Variants in CNBD2 observed in about 807,000 individuals in gnomAD.
CNBD2 encodes the protein cyclic nucleotide binding domain containing 2, also known as cyclic nucleotide-binding domain-containing protein 2.
Under a neutral mutation model 63.7 loss-of-function variants are expected in CNBD2, and 64 were observed. That is an observed-to-expected ratio of 1.00 (90% confidence interval 0.82 to 1.24). The LOEUF (loss-of-function observed/expected upper bound fraction) is 1.24. Among genes scored for constraint, CNBD2 ranks in the 50% most tolerant of loss-of-function variants. CNBD2 has a pLI of 0.00. For synonymous variants in CNBD2, 229 were observed against 255.4 expected, an observed-to-expected ratio of 0.90 and a Z score of 0.99; for missense variants, 691 against 713.5, an observed-to-expected ratio of 0.97 and a Z score of 0.36.
At chr20:35,994,958 T>C in intron 7 of CNBD2, 80 bp from the exon 8 acceptor site, 1 of 922,772 alleles carries the variant, frequency 1.1e-6, no homozygotes, top group African/African-American at 1.7e-5. Flanking sequence ...AAGATGCAAT[T>C]AAGAGAGATT....
intron 6 of CNBD2, among the ~76,000 whole-genome samples, chr20:35,985,534 G>A (rs568157950): frequency 3.4e-5 from 5 of 147,776 alleles, no homozygotes; most frequent in Admixed American, 2.7e-4. Flanking sequence ...TGCCCAGGCT[G>A]GAGTGCAGTG....
intron 1 of CNBD2, among the ~76,000 whole-genome samples, chr20:35,969,557 A>G (rs1568847774): frequency 6.6e-6 from 1 of 152,202 alleles, no homozygotes; most frequent in Admixed American, 6.5e-5. Flanking sequence ...AATATATAGT[A>G]TGTGGCACAC....
upstream of CNBD2, among the ~76,000 whole-genome samples, chr20:35,967,243 T>A (rs2056353414): frequency 7.9e-6 from 1 of 125,920 alleles, no homozygotes. Flanking sequence ...CTCCCGCTTT[T>A]TTTTTTTTTT....
chr20:35,998,304 G>T (rs1408158797), intron 8 of CNBD2, among the ~76,000 whole-genome samples: 5 of 151,840 alleles, frequency 3.3e-5, no homozygotes, highest in Non-Finnish European at 7.4e-5. Context: ...GCCTCCCAAA[G>T]TGCTGGGATT....
intron 3 of CNBD2, among the ~76,000 whole-genome samples, chr20:35,980,139 A>G (rs1410533514): frequency 6.6e-6 from 1 of 152,220 alleles, no homozygotes; most frequent in Admixed American, 6.5e-5. Flanking sequence ...ACTGGAGCCC[A>G]GGGAAGCCTG....
chr20:35,960,552 T>C (rs1262125279), intron 2 of CNBD2, among the ~76,000 whole-genome samples: 1 of 152,168 alleles, frequency 6.6e-6, no homozygotes, highest in Non-Finnish European at 1.5e-5. Context: ...AGGGTCTCGC[T>C]ATGTTGCCCA....
intron 8 of CNBD2, among the ~76,000 whole-genome samples, chr20:36,002,001 C>G (rs1369128252): frequency 2.0e-5 from 3 of 151,246 alleles, no homozygotes; most frequent in African/African-American, 7.3e-5. Flanking sequence ...GGGTGGCGGC[C>G]GGGCAGAGGC....
exon 1 of CNBD2, chr20:35,955,260 G>T (rs962722644): frequency 1.3e-5 from 2 of 152,886 alleles, no homozygotes; most frequent in Non-Finnish European, 2.9e-5. Flanking sequence ...ACGGGACTTA[G>T]TACGAAAAAA....
At chr20:35,995,809 G>A (rs2056817116) in intron 8 of CNBD2, among the ~76,000 whole-genome samples, 1 of 152,146 alleles carries the variant, frequency 6.6e-6, no homozygotes, top group South Asian at 2.1e-4. Context: ...GAATTTCTGG[G>A]TCATATGGTA....
upstream of CNBD2, among the ~76,000 whole-genome samples, chr20:35,963,640 AAAAT>A (rs749658047): frequency 2.4e-4 from 36 of 152,158 alleles, no homozygotes; most frequent in Middle Eastern, 3.4e-3. Flanking sequence ...CTCTGTCTCA[AAAAT>A]AAATAAATAA....
chr20:35,976,653 G>A (rs2056523627), intron 3 of CNBD2, among the ~76,000 whole-genome samples: 1 of 152,124 alleles, frequency 6.6e-6, no homozygotes, highest in Non-Finnish European at 1.5e-5. Flanking sequence ...TTTGGACTGT[G>A]TGACTTGTTC....
At chr20:35,954,575 G>C (rs1408262239), upstream of CNBD2, 1 of 1,453,178 alleles carries the variant, frequency 6.9e-7, no homozygotes, top group South Asian at 1.2e-5. Flanking sequence ...GCGTTCTCGA[G>C]TCGCATGAGG....
downstream of CNBD2, chr20:35,959,155 C>T (rs1281002147): frequency 1.3e-5 from 2 of 152,184 alleles, no homozygotes; most frequent in African/African-American, 4.8e-5. Flanking sequence ...CAGGATGGTT[C>T]TGAATAGTCG....
chr20:35,954,521 G>A, upstream of CNBD2: 1 of 1,525,358 alleles, frequency 6.6e-7, no homozygotes, highest in Non-Finnish European at 8.8e-7. Flanking sequence ...CGGCGCGCGA[G>A]CACCCGGAAG....
chr20:35,994,456 C>T (rs1164127794), intron 7 of CNBD2, among the ~76,000 whole-genome samples: 1 of 151,880 alleles, frequency 6.6e-6, no homozygotes, highest in African/African-American at 2.4e-5. Context: ...GATCTTCCCA[C>T]ATCAGCCTCC....
intron 2 of CNBD2, 95 bp downstream of exon 2, chr20:35,972,861 AC>A: frequency 7.9e-7 from 1 of 1,263,442 alleles, no homozygotes; most frequent in Non-Finnish European, 1.1e-6. Flanking sequence ...GAGAAAGAAG[AC>A]AAAAGGAAAA....
chr20:35,990,191 C>T (rs1468696492), intron 7 of CNBD2, among the ~76,000 whole-genome samples: 1 of 152,140 alleles, frequency 6.6e-6, no homozygotes, highest in African/African-American at 2.4e-5. Flanking sequence ...AGCAAACACC[C>T]TAAGTCAGGT....
At chr20:35,998,268 T>G (rs543712193) in intron 8 of CNBD2, among the ~76,000 whole-genome samples, 1 of 152,166 alleles carries the variant, frequency 6.6e-6, no homozygotes, top group South Asian at 2.1e-4. Flanking sequence ...CTTGAACTCC[T>G]GACCTCTGGT....
At chr20:35,961,440 T>A (rs2056308490) in intron 2 of CNBD2, among the ~76,000 whole-genome samples, 1 of 152,226 alleles carries the variant, frequency 6.6e-6, no homozygotes, top group Non-Finnish European at 1.5e-5. Context: ...AACTATTACA[T>A]CTTTGCTTTG....
Sources: gnomAD v4.1 joint callset for allele counts (sites outside exome capture counted in the v4.1 genomes callset) on GRCh38, gnomAD v4.1.1 for gene constraint, MANE v1.5 for transcripts, NCBI Gene and HGNC (gene_info 2026-07-23, HGNC 2026-07-21) for gene names.